AGPS: variants seen among roughly 807,000 people sequenced by gnomAD.
AGPS encodes the protein alkyldihydroxyacetonephosphate synthase, peroxisomal.
A neutral mutation model predicts 90.7 loss-of-function variants in AGPS; 26 were observed. The observed-to-expected ratio is 0.29, with a 90% CI of 0.21 to 0.40. AGPS has a LOEUF of 0.40. Ranked by LOEUF, AGPS falls within the 10% of genes least tolerant of loss-of-function variation. AGPS has a pLI of 1.00. For synonymous variants in AGPS, 294 were observed against 285.3 expected, an observed-to-expected ratio of 1.03 and a Z score of -0.31; for missense variants, 540 against 816.1, an observed-to-expected ratio of 0.66 and a Z score of 4.12.
chr2:177,423,459 G>A (rs1462056406), intron 2 of AGPS, among the ~76,000 whole-genome samples: 1 of 152,028 alleles, frequency 6.6e-6, no homozygotes, highest in Non-Finnish European at 1.5e-5. Flanking sequence ...CAGGCCCCTC[G>A]CCTTCTATAA....
At chr2:177,485,644 C>T (rs571158273) in intron 11 of AGPS, among the ~76,000 whole-genome samples, 20 of 152,192 alleles carry the variant, frequency 1.3e-4, no homozygotes, top group African/African-American at 2.4e-4. Context: ...GAGCCAGGTG[C>T]GGTGGCTCAC....
intron 8 of AGPS, among the ~76,000 whole-genome samples, chr2:177,453,428 C>T (rs924660307): frequency 5.3e-5 from 8 of 151,666 alleles, no homozygotes; most frequent in African/African-American, 7.3e-5. Flanking sequence ...TGCCCCACCA[C>T]GCCCAGCTAA....
At chr2:177,395,024 A>G (rs920409022) in intron 1 of AGPS, among the ~76,000 whole-genome samples, 2 of 152,170 alleles carry the variant, frequency 1.3e-5, no homozygotes, top group Non-Finnish European at 2.9e-5. Flanking sequence ...GGGGAGGAAT[A>G]AAGGATTTCA....
intron 19 of AGPS, among the ~76,000 whole-genome samples, chr2:177,534,001 C>T (rs2079162075): frequency 6.6e-6 from 1 of 152,078 alleles, no homozygotes; most frequent in South Asian, 2.1e-4. Flanking sequence ...AATGTATGGC[C>T]CATTTCATAA....
At position 177,543,434 on chromosome 2, in the gene AGPS, C is replaced by G. The variant is rs2079257644; in HGVS notation, c.*5239C>G. ...ATACTTTGGCTCTGATACAACTTAACTTGAATAATATCTTATCCTGAGTCT... is the reference window on the plus strand; with the variant it reads ...ATACTTTGGCTCTGATACAACTTAAGTTGAATAATATCTTATCCTGAGTCT... On this transcript the variant is annotated 3_prime_UTR_variant, in exon 20 of 20. Transcript: ENST00000264167. 6.6e-6 allele frequency: 1 copy of G among 152,196 alleles called. No individual in the cohort carries two copies. 9.4% of individuals were successfully genotyped at this position (152,196 alleles called of 1,614,324 possible). A position where few individuals can be genotyped will look rare whatever the true frequency, so the allele number is the denominator to read the frequency against.
chr2:177,537,862 G>A (rs1332011038), intron 19 of AGPS, among the ~76,000 whole-genome samples: 1 of 152,088 alleles, frequency 6.6e-6, no homozygotes, highest in Non-Finnish European at 1.5e-5. Context: ...ACAGAGAAAG[G>A]AGACACTGTG....
intron 1 of AGPS, among the ~76,000 whole-genome samples, chr2:177,406,637 T>G (rs1685474887): frequency 6.6e-6 from 1 of 152,214 alleles, no homozygotes; most frequent in Non-Finnish European, 1.5e-5. Flanking sequence ...TCATCCACAT[T>G]GGAGAATCAA....
At chr2:177,444,199 T>A (rs1686698370) in intron 7 of AGPS, among the ~76,000 whole-genome samples, 1 of 152,082 alleles carries the variant, frequency 6.6e-6, no homozygotes, top group South Asian at 2.1e-4. Context: ...GGTGGGCAGA[T>A]CATCTGAGGC....
intron 11 of AGPS, among the ~76,000 whole-genome samples, chr2:177,484,845 C>T (rs1688049311): frequency 6.6e-6 from 1 of 152,152 alleles, no homozygotes; most frequent in Non-Finnish European, 1.5e-5. Flanking sequence ...TCAACGCAGC[C>T]TCTCAATCTC....
intron 2 of AGPS, among the ~76,000 whole-genome samples, chr2:177,427,913 A>G (rs765210956): frequency 8.5e-5 from 13 of 152,166 alleles, no homozygotes; most frequent in Non-Finnish European, 1.9e-4. Flanking sequence ...TCTGTCTAAT[A>G]TTGTCAGTGG....
At chr2:177,434,168 G>C (rs1326279224) in intron 2 of AGPS, among the ~76,000 whole-genome samples, 159 bp from the exon 3 acceptor site, 1 of 152,070 alleles carries the variant, frequency 6.6e-6, no homozygotes, top group Non-Finnish European at 1.5e-5. Flanking sequence ...CCTTTAGATA[G>C]CTGGGTTTTG....
At chr2:177,437,077 C>G in intron 5 of AGPS, 23 bp downstream of exon 5, 1 of 1,604,700 alleles carries the variant, frequency 6.2e-7, no homozygotes, top group Non-Finnish European at 8.5e-7. Context: ...CTCCTCGTAT[C>G]ATTAATTTAG....
chr2:177,413,040 C>T (rs112064831), intron 1 of AGPS, among the ~76,000 whole-genome samples: 25 of 152,032 alleles, frequency 1.6e-4, no homozygotes, highest in Non-Finnish European at 3.2e-4. Flanking sequence ...TGGTGGATGG[C>T]AAGTGAAAGC....
Position 177,536,205 on chromosome 2 carries a change from C to G in AGPS, c.1856-1869C>G, listed in dbSNP as rs554617034. On this transcript the variant is annotated intron_variant, in intron 19 of 19. Coordinates refer to ENST00000264167, the MANE Select transcript of AGPS (RefSeq NM_003659.4). ...GGCATCCTGCTGAGGTTCTAATGTG[C>G]TCCATCTTGTTGGAGCAGTTGTTTG... is the stretch of plus-strand genomic sequence containing the variant. Among the ~76,000 whole-genome samples the G allele has an allele frequency of 2.6e-5, 4 of 152,244 alleles. No individual in the cohort carries two copies. The East Asian group carries it at 7.7e-4, about 29-fold the overall frequency.
intron 18 of AGPS, among the ~76,000 whole-genome samples, chr2:177,522,167 C>T (rs1006582365): frequency 1.3e-5 from 2 of 152,006 alleles, no homozygotes; most frequent in African/African-American, 4.8e-5. Context: ...ATGTATACAC[C>T]TGTGAAACCA....
intron 8 of AGPS, among the ~76,000 whole-genome samples, chr2:177,460,902 A>G (rs1028279151): frequency 2.6e-5 from 4 of 152,260 alleles, no homozygotes; most frequent in African/African-American, 9.6e-5. Context: ...TAGAATAGAT[A>G]GAGAATTTGT....
At chr2:177,419,051 A>G (rs142026079) in intron 1 of AGPS, among the ~76,000 whole-genome samples, 2 of 151,974 alleles carry the variant, frequency 1.3e-5, no homozygotes, top group Non-Finnish European at 2.9e-5. Flanking sequence ...ATAGCAAATC[A>G]TAGTTGTAAA....
intron 11 of AGPS, among the ~76,000 whole-genome samples, chr2:177,487,768 C>G (rs1385564265): frequency 6.6e-6 from 1 of 152,028 alleles, no homozygotes; most frequent in Non-Finnish European, 1.5e-5. Flanking sequence ...GGATCATTTA[C>G]TGTTTGATCC....
Position 177,473,817 on chromosome 2 carries a change from T to C in AGPS, c.1105+5293T>C, listed in dbSNP as rs78304142. Among the ~76,000 whole-genome samples the C allele has an allele frequency of 8.0e-3, 1,224 of 152,366 alleles. 15 individuals carry two copies. The highest frequency in any genetic ancestry group is 0.027 in the African/African-American group (1,140 of 41,592). ...GGATTTTTATCTTACACTGGGACCA[T>C]GCAGAATTCCTAGCTGGCTTGTTGC... On this transcript the variant is annotated intron_variant, in intron 10 of 19. Transcript: ENST00000264167.
Sources: gnomAD v4.1 joint callset for allele counts (sites outside exome capture counted in the v4.1 genomes callset) on GRCh38, gnomAD v4.1.1 for gene constraint, MANE v1.5 for transcripts, NCBI Gene and HGNC (gene_info 2026-07-23, HGNC 2026-07-21) for gene names.